The following CYP2C19 variants were observed in gnomAD, a reference collection of about 807,000 sequenced individuals.
CYP2C19 encodes cytochrome P450 2C19.
CYP2C19 carries 59 observed loss-of-function variants against 40.9 expected under a neutral mutation model. That is an observed-to-expected ratio of 1.44 (90% CI 1.17 to 1.79). The LOEUF (loss-of-function observed/expected upper bound fraction) is 1.79. Among genes scored for constraint, CYP2C19 ranks in the 40% most tolerant of loss-of-function variants. CYP2C19 has a pLI of 0.00. For synonymous variants in CYP2C19, 253 were observed against 208.7 expected (o/e 1.21, Z -1.83); for missense variants, 754 against 596.9 (o/e 1.26, Z -2.74).
intron 5 of CYP2C19, among the ~76,000 whole-genome samples, chr10:94,808,288 G>GT (rs368656020): frequency 5.8e-4 from 88 of 151,920 alleles, no homozygotes; most frequent in African/African-American, 1.9e-3. Flanking sequence ...ATTTTTGTGT[G>GT]TTTTTAAATG....
In CYP2C19 at chr10:94,820,493, T is replaced by C; in HGVS notation, c.820-3T>C. 1 of 1,614,138 alleles carries C rather than the reference T, an allele frequency of 6.2e-7. No individual in the cohort carries two copies. Among genetic ancestry groups the C allele is most frequent in the Non-Finnish European group, 8.5e-7 (1 of 1,179,992 alleles). Reference sequence around the variant, plus strand: ...TCAGATAATTGCATCAAATCATTCCTAGGAAAAGCAAAACCAACAGTCTGA... The same window carrying C: ...TCAGATAATTGCATCAAATCATTCCCAGGAAAAGCAAAACCAACAGTCTGA... On this transcript the variant is annotated splice_polypyrimidine_tract_variant and splice_region_variant and intron_variant, in intron 5 of 8. Coordinates refer to ENST00000371321, the MANE Select transcript of CYP2C19 (RefSeq NM_000769.4).
chr10:94,826,018 T>C (rs1364698917), intron 6 of CYP2C19, among the ~76,000 whole-genome samples: 1 of 149,920 alleles, frequency 6.7e-6, no homozygotes, highest in African/African-American at 2.4e-5. Context: ...TTGATCTATA[T>C]CTCTGTTTTG....
chr10:94,849,554 A>G (rs571379615), intron 7 of CYP2C19, among the ~76,000 whole-genome samples: 19 of 151,594 alleles, frequency 1.3e-4, no homozygotes, highest in Admixed American at 4.6e-4. Flanking sequence ...ATATGTATAC[A>G]TGTGCCATAT....
At chr10:94,845,204 G>C (rs1037953294) in intron 7 of CYP2C19, among the ~76,000 whole-genome samples, 1 of 152,176 alleles carries the variant, frequency 6.6e-6, no homozygotes, top group African/African-American at 2.4e-5. Context: ...TAATGGGCCA[G>C]ATAGTAAATA....
intron 5 of CYP2C19, among the ~76,000 whole-genome samples, chr10:94,811,344 G>C (rs375265865): frequency 1.9e-4 from 29 of 152,234 alleles, no homozygotes; most frequent in African/African-American, 6.7e-4. Flanking sequence ...GTGCTGAGAA[G>C]AATGTATATT....
intron 5 of CYP2C19, among the ~76,000 whole-genome samples, chr10:94,791,013 G>A (rs1011484137): frequency 1.7e-4 from 26 of 152,022 alleles, no homozygotes; most frequent in African/African-American, 5.8e-4. Context: ...TTTTTTGGTT[G>A]GTATGCTATT....
intron 5 of CYP2C19, among the ~76,000 whole-genome samples, chr10:94,789,529 T>G (rs1433275989): frequency 6.6e-6 from 1 of 152,150 alleles, no homozygotes; most frequent in African/African-American, 2.4e-5. Flanking sequence ...GTATAACTTG[T>G]AAGAAAGGGA....
intron 5 of CYP2C19, among the ~76,000 whole-genome samples, chr10:94,801,535 G>A (rs982186677): frequency 2.0e-5 from 3 of 152,172 alleles, no homozygotes; most frequent in Admixed American, 1.3e-4. Flanking sequence ...TTTAGACTAA[G>A]TGTTATGTGG....
chr10:94,827,067 T>C (rs1367488634), intron 6 of CYP2C19, among the ~76,000 whole-genome samples: 1 of 152,078 alleles, frequency 6.6e-6, no homozygotes, highest in African/African-American at 2.4e-5. Flanking sequence ...GGTTTGCCAG[T>C]ATTTTATTGA....
At chr10:94,811,748 C>T (rs1400388829) in intron 5 of CYP2C19, among the ~76,000 whole-genome samples, 1 of 151,904 alleles carries the variant, frequency 6.6e-6, no homozygotes, top group Non-Finnish European at 1.5e-5. Flanking sequence ...TCCTCCATCC[C>T]TTTATTTTGA....
chr10:94,785,912 TA>T (rs1230764552), intron 5 of CYP2C19, among the ~76,000 whole-genome samples: 2 of 152,022 alleles, frequency 1.3e-5, no homozygotes, highest in African/African-American at 4.8e-5. Context: ...ATAATAACAT[TA>T]GAGTGGGTTG....
At chr10:94,803,804 C>G (rs1306035897) in intron 5 of CYP2C19, among the ~76,000 whole-genome samples, 1 of 152,146 alleles carries the variant, frequency 6.6e-6, no homozygotes, top group Non-Finnish European at 1.5e-5. Flanking sequence ...GGAGAGAGAG[C>G]TCCCCTGCGG....
chr10:94,820,108 T>C (rs1002142926), intron 5 of CYP2C19, among the ~76,000 whole-genome samples: 4 of 151,412 alleles, frequency 2.6e-5, no homozygotes, highest in African/African-American at 9.8e-5. Context: ...ATAAATGTAA[T>C]CCAGCATATA....
At chr10:94,847,060 A>T (rs1435499790) in intron 7 of CYP2C19, among the ~76,000 whole-genome samples, 1 of 150,306 alleles carries the variant, frequency 6.7e-6, no homozygotes, top group Non-Finnish European at 1.5e-5. Context: ...CTTCAACTTT[A>T]TTTTATTTAT....
chr10:94,810,111 A>G (rs1353609402), intron 5 of CYP2C19, among the ~76,000 whole-genome samples: 1 of 151,980 alleles, frequency 6.6e-6, no homozygotes, highest in African/African-American at 2.4e-5. Context: ...CAAACTCCTG[A>G]CCCTGTGATC....
At chr10:94,811,251 T>G (rs1303207449) in intron 5 of CYP2C19, among the ~76,000 whole-genome samples, 1 of 152,224 alleles carries the variant, frequency 6.6e-6, no homozygotes, top group Non-Finnish European at 1.5e-5. Flanking sequence ...ATAGGTTGTT[T>G]GCTTTAATTT....
chr10:94,769,738 A>G (rs1286300856), intron 1 of CYP2C19, among the ~76,000 whole-genome samples: 2 of 152,104 alleles, frequency 1.3e-5, no homozygotes, highest in African/African-American at 2.4e-5. Context: ...TGATAAGGAA[A>G]AGTGGTGGGG....
chr10:94,851,983 T>C (rs1290724234), intron 8 of CYP2C19, among the ~76,000 whole-genome samples: 1 of 152,330 alleles, frequency 6.6e-6, no homozygotes, highest in Non-Finnish European at 1.5e-5. Context: ...AAAAAGGAGA[T>C]AAAATTTGAC....
Position 94,786,037 on chromosome 10 carries a change from G to A in CYP2C19, c.819+4040G>A, listed in dbSNP as rs114262510. Reference sequence around the variant, plus strand: ...CTGCCTATAAAATCTGCTGTGGTCCGCCTCCTTCCCCCTCTTTGGATGTCT... The same window carrying A: ...CTGCCTATAAAATCTGCTGTGGTCCACCTCCTTCCCCCTCTTTGGATGTCT... On this transcript the variant is annotated intron_variant, in intron 5 of 8. Transcript: ENST00000371321. Among the ~76,000 whole-genome samples the A allele has an allele frequency of 3.1e-3, 474 of 151,952 alleles. 3 individuals are homozygous for A. The highest frequency in any genetic ancestry group is 0.011 in the African/African-American group (446 of 41,480).
Sources: gnomAD v4.1 joint callset for allele counts (sites outside exome capture counted in the v4.1 genomes callset) on GRCh38, gnomAD v4.1.1 for gene constraint, MANE v1.5 for transcripts, NCBI Gene and HGNC (gene_info 2026-07-23, HGNC 2026-07-21) for gene names.